The following JPH1 variants were observed in gnomAD, a reference collection of about 807,000 sequenced individuals.
JPH1 encodes junctophilin-1.
A neutral mutation model predicts 53.6 loss-of-function variants in JPH1; 12 were observed. That is an observed-to-expected ratio of 0.22 (90% CI 0.14 to 0.36). JPH1 has a LOEUF of 0.36. JPH1 is among the 10% of genes least tolerant of loss of function. The probability of loss-of-function intolerance (pLI) is 1.00; values close to 1 mark genes in which losing one functional copy is unlikely to be tolerated. For missense variants in JPH1, 808 were observed against 905.5 expected (o/e 0.89, Z 1.38); for synonymous variants, 375 against 363.8 (o/e 1.03, Z -0.35).
At position 74,315,539 on chromosome 8, in the gene JPH1, A is replaced by T; in HGVS notation, c.461T>A (p.Val154Glu). The part of the protein sequence containing the change: ...RQSVPYGMAT[V>E]IRSPLRTSLA... Reference sequence around the variant, plus strand: ...CGAGGTACGCAGCGGTGAGCGGATCACCGTGGCCATGCCGTAGGGCACGCT... The same window carrying T: ...CGAGGTACGCAGCGGTGAGCGGATCTCCGTGGCCATGCCGTAGGGCACGCT... The change falls in exon 2 of 6, where the codon GTG becomes GAG. Residue 154 changes from valine (V) to glutamate (E), a missense_variant. By Grantham distance (121) the Val-to-Glu change is moderately radical. Transcript: ENST00000342232. The surrounding 1 kb of genome is among the most constrained non-coding windows in gnomAD (Gnocchi z 6.3). 1 of 1,606,094 alleles carries T rather than the reference A, an allele frequency of 6.2e-7. No individual in the cohort carries two copies. Among genetic ancestry groups the T allele is most frequent in the Non-Finnish European group, 8.5e-7 (1 of 1,178,008 alleles).
rs1808113567 is a variant in JPH1, at chr8:74,315,285, C to G, written c.715G>C (p.Val239Leu). The G allele has an allele frequency of 6.2e-7, 1 of 1,614,090 alleles. No individual in the cohort carries two copies. The highest frequency in any genetic ancestry group is 2.2e-5 in the East Asian group (1 of 44,880). ...CTGCTCATGGCCGCGTCGCTGCGGA[C>G]AGAGCTGCGCTTGCTCGAGATGGAA... is the stretch of plus-strand genomic sequence containing the variant. ...KSSISSKRSS[V>L]RSDAAMSRIS... Residue 239 changes from valine to leucine, a missense_variant, in exon 2 of 6, where the codon GTC becomes CTC. By Grantham distance (32) the Val-to-Leu change is conservative. Transcript: ENST00000342232. The surrounding 1 kb of genome is among the most constrained non-coding windows in gnomAD (Gnocchi z 6.3).
intron 2 of JPH1, among the ~76,000 whole-genome samples, chr8:74,265,799 G>A (rs185274257): frequency 3.9e-5 from 6 of 152,202 alleles, no homozygotes; most frequent in Admixed American, 2.0e-4. Context: ...ATTGAAAAAT[G>A]GGCAAAGGAC....
intron 2 of JPH1, among the ~76,000 whole-genome samples, chr8:74,304,255 G>T (rs978420526): frequency 6.6e-6 from 1 of 152,228 alleles, no homozygotes; most frequent in East Asian, 1.9e-4. Context: ...GTATGTAATG[G>T]ATTAATGTAA....
intron 5 of JPH1, 81 bp downstream of exon 5, chr8:74,237,127 G>GT (rs1807022815): frequency 1.1e-6 from 1 of 907,344 alleles, no homozygotes; most frequent in East Asian, 2.5e-5. Context: ...ATACGTCATT[G>GT]TTAAAAAAAA....
intron 2 of JPH1, among the ~76,000 whole-genome samples, chr8:74,311,253 A>C (rs1020359233): frequency 9.9e-5 from 15 of 152,148 alleles, no homozygotes; most frequent in African/African-American, 3.6e-4. Flanking sequence ...CTACCAAGAG[A>C]CTTAGTTTCT....
Position 74,321,538 on chromosome 8 carries a change from G to A in JPH1, c.-251C>T. The A allele has an allele frequency of 2.4e-6, 1 of 414,432 alleles. No individual in the cohort carries two copies. The allele number at this position is 414,432 out of a possible 1,614,324, so 25.7% of individuals were successfully genotyped here. ...CCGCCTGGGCCAGCGCCGCGCGCGA[G>A]AGGACAGCCCAGGTTCCCGAGCGGA... On this transcript the variant is annotated 5_prime_UTR_variant, in exon 1 of 6. Coordinates refer to ENST00000342232, the MANE Select transcript of JPH1 (RefSeq NM_020647.4). The surrounding 1 kb of genome is among the most constrained non-coding windows in gnomAD (Gnocchi z 4.3).
At chr8:74,304,354 T>C (rs1807772824) in intron 2 of JPH1, among the ~76,000 whole-genome samples, 1 of 152,208 alleles carries the variant, frequency 6.6e-6, no homozygotes, top group Non-Finnish European at 1.5e-5. Flanking sequence ...GGCATTTGAG[T>C]CTTTACAAAG....
At chr8:74,285,239 GCACATACA>G (rs1265568179) in intron 2 of JPH1, among the ~76,000 whole-genome samples, 8 of 151,822 alleles carry the variant, frequency 5.3e-5, no homozygotes, top group Admixed American at 3.9e-4. Context: ...GCTATTAACT[GCACATACA>G]CACATACACA....
chr8:74,247,014 C>G (rs80118097), intron 3 of JPH1, among the ~76,000 whole-genome samples: 5,745 of 152,242 alleles, frequency 0.038, 342 homozygotes, highest in African/African-American at 0.12. Flanking sequence ...TGCTGTGTGT[C>G]TGGACATAGC....
intron 4 of JPH1, among the ~76,000 whole-genome samples, chr8:74,241,402 T>C (rs528528762): frequency 5.3e-5 from 8 of 152,270 alleles, no homozygotes; most frequent in Admixed American, 1.3e-4. Context: ...AAAAAATCTG[T>C]CTTGCTTTTC....
At chr8:74,303,652 T>C (rs1807747793) in intron 2 of JPH1, among the ~76,000 whole-genome samples, 2 of 152,122 alleles carry the variant, frequency 1.3e-5, no homozygotes, top group African/African-American at 4.8e-5. Flanking sequence ...GGCGTGATCA[T>C]AGCTCACTGC....
intron 2 of JPH1, among the ~76,000 whole-genome samples, chr8:74,294,235 C>T (rs75953055): frequency 6.6e-6 from 1 of 152,102 alleles, no homozygotes; most frequent in Admixed American, 6.6e-5. Flanking sequence ...AAGTTCCCCA[C>T]GTGCCACCTG....
rs1808292207 is a variant in JPH1, at chr8:74,320,754, A to C, written c.379+155T>G. 6.6e-6 allele frequency among the ~76,000 whole-genome samples: 1 copy of C among 152,088 alleles called. No homozygotes were observed. Among genetic ancestry groups the C allele is most frequent in the Non-Finnish European group, 1.5e-5 (1 of 67,976 alleles). ...TCCGGTCCCAGCGCCCTCTCTGGGA[A>C]AGGCGGGCGCGGGCGCGGGGGTGGG... On this transcript the variant is annotated intron_variant, in intron 1 of 5. Transcript: ENST00000342232. This position sits in a 1 kb window ranked among gnomAD's most constrained non-coding sequence, Gnocchi z 4.4.
At chr8:74,254,648 C>T (rs1347774720) in intron 3 of JPH1, among the ~76,000 whole-genome samples, 23 of 152,178 alleles carry the variant, frequency 1.5e-4, no homozygotes, top group East Asian at 1.9e-4. Flanking sequence ...GAAAACCCCA[C>T]TGTCTCAGCC....
At chr8:74,272,600 CTTTTTTT>C (rs765158506) in intron 2 of JPH1, among the ~76,000 whole-genome samples, 1 of 112,684 alleles carries the variant, frequency 8.9e-6, no homozygotes. Context: ...ACCCTTAGTT[CTTTTTTT>C]TTTTTTTTTT....
intron 1 of JPH1, among the ~76,000 whole-genome samples, chr8:74,317,975 A>T (rs2131469083): frequency 6.6e-6 from 1 of 152,316 alleles, no homozygotes; most frequent in Non-Finnish European, 1.5e-5. Flanking sequence ...CATTGGCCAC[A>T]TTCCTCTCCT....
chr8:74,295,214 C>T (rs1807469697), intron 2 of JPH1, among the ~76,000 whole-genome samples: 1 of 152,136 alleles, frequency 6.6e-6, no homozygotes, highest in South Asian at 2.1e-4. Flanking sequence ...TCTAGAAGGT[C>T]TCTTGGTTCC....
chr8:74,273,234 T>C (rs1301172056), intron 2 of JPH1, among the ~76,000 whole-genome samples: 1 of 152,216 alleles, frequency 6.6e-6, no homozygotes, highest in African/African-American at 2.4e-5. Context: ...TTTAATATGA[T>C]GGTGAATTTT....
Position 74,321,233 on chromosome 8 carries a change from C to T in JPH1, c.55G>A (p.Glu19Lys). The T allele has an allele frequency of 6.2e-7, 1 of 1,607,684 alleles. No individual in the cohort carries two copies. The highest frequency in any genetic ancestry group is 8.5e-7 in the Non-Finnish European group (1 of 1,177,422). The stretch of plus-strand genomic sequence containing the variant: ...CCATGCCCGTGCGCCTTGCCCTCCT[C>T]CCAGCCGCCGCAGTAGGTGCCGCCA... ...DDGGTYCGGW[E>K]EGKAHGHGIC... The change falls in exon 1 of 6, where the codon GAG (glutamate) becomes AAG (lysine). Residue 19 changes from glutamate (E) to lysine (K), a missense_variant. By Grantham distance (56) the Glu-to-Lys change is moderately conservative (BLOSUM62 1). Around this residue, in one of 2 missense-constraint regions of JPH1, gnomAD observed 52 missense variants for 93.6 expected, o/e 0.56. Transcript: ENST00000342232. The surrounding 1 kb of genome is among the most constrained non-coding windows in gnomAD (Gnocchi z 4.3).
Sources: allele counts gnomAD v4.1 joint callset (sites outside exome capture counted in the v4.1 genomes callset), GRCh38; gene constraint gnomAD v4.1.1; regional missense constraint gnomAD v4.1.1; non-coding constraint Gnocchi (gnomAD v3.1); transcripts MANE v1.5; gene names NCBI Gene and HGNC (gene_info 2026-07-23, HGNC 2026-07-21).